CHRM5: variants seen among roughly 807,000 people sequenced by gnomAD.
The protein encoded by CHRM5 is muscarinic acetylcholine receptor M5.
A neutral mutation model predicts 39.0 loss-of-function variants in CHRM5; 18 were observed. The ratio of observed to expected loss-of-function variants is 0.46; its 90% confidence interval spans 0.32 to 0.68. CHRM5 has a LOEUF of 0.68. Among genes scored for constraint, CHRM5 ranks in the 30% least tolerant of loss-of-function variants. CHRM5 has a pLI of 0.04. For synonymous variants in CHRM5, 241 were observed against 246.3 expected (o/e 0.98, Z 0.20); for missense variants, 515 against 651.1 (o/e 0.79, Z 2.28).
chr15:33,983,200 GTATATA>G (rs769965010), intron 1 of CHRM5, among the ~76,000 whole-genome samples: 10,258 of 63,920 alleles, frequency 0.16, 603 homozygotes, highest in South Asian at 0.4. Context: ...GTATGTGTGT[GTATATA>G]TATATATACA....
chr15:33,986,692 T>C, intron 1 of CHRM5, among the ~76,000 whole-genome samples: 1 of 152,130 alleles, frequency 6.6e-6, no homozygotes. Context: ...AGTCTCACTC[T>C]GTCACCTAGG....
chr15:34,025,348 C>T (rs748172756), intron 1 of CHRM5, among the ~76,000 whole-genome samples: 1 of 152,218 alleles, frequency 6.6e-6, no homozygotes, highest in Admixed American at 6.5e-5. Flanking sequence ...ATAAAATCGA[C>T]AAGAAGTTTA....
At chr15:33,971,807 ATT>A (rs1895651123) in intron 1 of CHRM5, among the ~76,000 whole-genome samples, 1 of 152,016 alleles carries the variant, frequency 6.6e-6, no homozygotes, top group Admixed American at 6.6e-5. Context: ...ATTATGGTTA[ATT>A]TTCCTTATGA....
chr15:34,030,603 C>T (rs986001179), intron 1 of CHRM5, among the ~76,000 whole-genome samples: 4 of 151,906 alleles, frequency 2.6e-5, no homozygotes, highest in African/African-American at 9.7e-5. Flanking sequence ...GCTGGGATTA[C>T]AGGTGTGAGC....
intron 1 of CHRM5, among the ~76,000 whole-genome samples, chr15:33,985,637 C>A (rs1287414697): frequency 6.6e-6 from 1 of 151,980 alleles, no homozygotes; most frequent in Non-Finnish European, 1.5e-5. Flanking sequence ...GAAAGGCAGG[C>A]ACTGTGTTGT....
chr15:34,008,133 T>C (rs746365406), intron 1 of CHRM5, among the ~76,000 whole-genome samples: 3 of 151,976 alleles, frequency 2.0e-5, no homozygotes, highest in Admixed American at 6.6e-5. Flanking sequence ...TCGAAAATAA[T>C]GGGTGGGCCT....
chr15:34,020,970 A>T (rs1871058399), intron 1 of CHRM5, among the ~76,000 whole-genome samples: 1 of 152,214 alleles, frequency 6.6e-6, no homozygotes, highest in Non-Finnish European at 1.5e-5. Flanking sequence ...GTGAGGAATG[A>T]ATCACTGGGC....
chr15:33,997,341 G>C (rs1302833015), intron 1 of CHRM5, among the ~76,000 whole-genome samples: 1 of 152,024 alleles, frequency 6.6e-6, no homozygotes, highest in Non-Finnish European at 1.5e-5. Context: ...AAACAAAATA[G>C]CCAAATGGTC....
At chr15:33,995,791 T>G (rs940105829) in intron 1 of CHRM5, among the ~76,000 whole-genome samples, 1 of 152,206 alleles carries the variant, frequency 6.6e-6, no homozygotes, top group Non-Finnish European at 1.5e-5. Context: ...ATTTCTGCAT[T>G]TCCAACTGAG....
intron 1 of CHRM5, among the ~76,000 whole-genome samples, chr15:34,040,769 T>TA (rs1899439339): frequency 6.6e-6 from 1 of 151,872 alleles, no homozygotes; most frequent in Admixed American, 6.6e-5. Context: ...TCTACAAAAA[T>TA]TAGCTGGGCA....
chr15:34,008,780 G>C (rs1328061162), intron 1 of CHRM5, among the ~76,000 whole-genome samples: 2 of 152,008 alleles, frequency 1.3e-5, no homozygotes, highest in Admixed American at 1.3e-4. Context: ...GAGCCACCGT[G>C]CCTAGCCGAT....
At chr15:33,981,796 C>A (rs1260041174) in intron 1 of CHRM5, among the ~76,000 whole-genome samples, 1 of 152,068 alleles carries the variant, frequency 6.6e-6, no homozygotes, top group African/African-American at 2.4e-5. Context: ...AAAATGTATA[C>A]AAAATACCAA....
At chr15:33,978,248 C>A (rs1464335206) in intron 1 of CHRM5, among the ~76,000 whole-genome samples, 2 of 152,148 alleles carry the variant, frequency 1.3e-5, no homozygotes, top group Non-Finnish European at 2.9e-5. Flanking sequence ...TCCTGAGCAT[C>A]CTCTGAACAT....
chr15:33,995,183 GA>G (rs1896883211), intron 1 of CHRM5, among the ~76,000 whole-genome samples: 2 of 152,216 alleles, frequency 1.3e-5, no homozygotes, highest in South Asian at 4.2e-4. Context: ...AGGATTGCTT[GA>G]GCCCAGGAGG....
chr15:34,055,015 A>T (rs892935904), intron 2 of CHRM5, among the ~76,000 whole-genome samples: 1 of 152,110 alleles, frequency 6.6e-6, no homozygotes. Context: ...CAACATGGAG[A>T]AACCCCATCT....
intron 1 of CHRM5, chr15:34,038,924 TCC>T: frequency 1.4e-6 from 1 of 718,286 alleles, no homozygotes; most frequent in Non-Finnish European, 1.7e-6. Context: ...CGCCGCCGCC[TCC>T]GCCGCCGCCT....
Position 34,063,147 on chromosome 15 carries a change from C to T in CHRM5, c.430C>T (p.Pro144Ser). Reference protein sequence around the residue: ...RPLTYRAKRTPKRAGIMIGLA... With the variant: ...RPLTYRAKRTSKRAGIMIGLA... ...CTTGACATATCGGGCCAAGCGTACT[C>T]CGAAAAGGGCTGGCATCATGATTGG... is the stretch of plus-strand genomic sequence containing the variant. The change falls in exon 3 of 3, where the codon CCG becomes TCG. Residue 144 changes from proline to serine, a missense_variant. Physicochemically the swap from Pro to Ser is moderately conservative, Grantham distance 74. Transcript: ENST00000383263. The surrounding 1 kb of genome is among the most constrained non-coding windows in gnomAD (Gnocchi z 4.1). 1 of 1,614,168 alleles carries T rather than the reference C, an allele frequency of 6.2e-7. No homozygotes were observed. Among genetic ancestry groups the T allele is most frequent in the Non-Finnish European group, 8.5e-7 (1 of 1,180,028 alleles).
At chr15:34,007,014 T>A in intron 1 of CHRM5, 1 of 959,016 alleles carries the variant, frequency 1.0e-6, no homozygotes, top group Non-Finnish European at 1.2e-6. Flanking sequence ...GTTACAAAAT[T>A]AGTCTGGTGG....
intron 1 of CHRM5, among the ~76,000 whole-genome samples, chr15:33,997,255 C>T (rs1896972227): frequency 6.6e-6 from 1 of 152,138 alleles, no homozygotes; most frequent in South Asian, 2.1e-4. Context: ...AATCTCATAT[C>T]AGGAGATACC....
Sources: allele counts gnomAD v4.1 joint callset (sites outside exome capture counted in the v4.1 genomes callset), GRCh38; gene constraint gnomAD v4.1.1; non-coding constraint Gnocchi (gnomAD v3.1); transcripts MANE v1.5; gene names NCBI Gene and HGNC (gene_info 2026-07-23, HGNC 2026-07-21).